MACROD2: variants seen among roughly 807,000 people sequenced by gnomAD.
The protein encoded by MACROD2 is ADP-ribose glycohydrolase MACROD2.
MACROD2 carries 36 observed loss-of-function variants against 70.4 expected under a neutral mutation model. The observed-to-expected ratio is 0.51, with a 90% CI of 0.39 to 0.68. The LOEUF (loss-of-function observed/expected upper bound fraction) is 0.68, where lower values mean the gene tolerates loss of function less well. MACROD2 is among the 30% of genes least tolerant of loss of function. MACROD2 has a pLI of 0.00. For synonymous variants in MACROD2, 172 were observed against 178.8 expected (o/e 0.96, Z 0.30); for missense variants, 496 against 538.4 (o/e 0.92, Z 0.78).
chr20:14,172,967 G>A (rs569233709), intron 3 of MACROD2, among the ~76,000 whole-genome samples: 1 of 152,156 alleles, frequency 6.6e-6, no homozygotes, highest in Non-Finnish European at 1.5e-5. Flanking sequence ...CTAAAGATAG[G>A]ACCCCAATCA....
intron 5 of MACROD2, among the ~76,000 whole-genome samples, chr20:14,746,475 C>T (rs893816471): frequency 5.3e-5 from 8 of 151,962 alleles, no homozygotes; most frequent in Admixed American, 3.3e-4. Flanking sequence ...AAAAAATTTA[C>T]GTTTTGTGAT....
chr20:14,083,580 CAG>C (rs753433469), intron 2 of MACROD2, among the ~76,000 whole-genome samples: 8 of 152,102 alleles, frequency 5.3e-5, no homozygotes, highest in Non-Finnish European at 1.2e-4. Flanking sequence ...AGGATTTTAA[CAG>C]AGTCAGTCTG....
chr20:15,302,382 A>G (rs2077654584), intron 6 of MACROD2, among the ~76,000 whole-genome samples: 1 of 8,120 alleles, frequency 1.2e-4, no homozygotes, highest in Admixed American at 1.5e-3. Context: ...ACACACACAC[A>G]TACACACATA....
intron 8 of MACROD2, among the ~76,000 whole-genome samples, chr20:15,665,804 C>G (rs1174736315): frequency 6.6e-6 from 1 of 152,180 alleles, no homozygotes; most frequent in East Asian, 1.9e-4. Context: ...GACTTATTCT[C>G]TAAGCATCCC....
At chr20:15,879,639 C>CT (rs1001308704) in intron 9 of MACROD2, among the ~76,000 whole-genome samples, 1 of 151,882 alleles carries the variant, frequency 6.6e-6, no homozygotes, top group Non-Finnish European at 1.5e-5. Flanking sequence ...TACAATTTTT[C>CT]AAAAAAAGTT....
rs78794791 is a variant in MACROD2, at chr20:14,728,368, C to T, written c.418+43409C>T. Reference sequence around the variant, plus strand: ...CTTTAAAAATAAACTGACTTAAATACTTCCTATTTGAATTATTATTTTCTT... The same window carrying T: ...CTTTAAAAATAAACTGACTTAAATATTTCCTATTTGAATTATTATTTTCTT... On this transcript the variant is annotated intron_variant, in intron 5 of 17. Transcript: ENST00000684519. 5.6e-3 allele frequency among the ~76,000 whole-genome samples: 846 copies of T among 152,190 alleles called. 7 individuals are homozygous for T. Among genetic ancestry groups the T allele is most frequent in the African/African-American group, 0.019 (809 of 41,544 alleles).
Position 14,800,612 on chromosome 20 carries a change from C to T in MACROD2, c.418+115653C>T, listed in dbSNP as rs551817236. On this transcript the variant is annotated intron_variant, in intron 5 of 17. Transcript: ENST00000684519. ...AAGCGTTCCACTGGGAAATTTTTTC[C>T]GGAAATTCCACCAATTAGGGGATTC... Among the ~76,000 whole-genome samples, 8 of 152,108 alleles carry T rather than the reference C, an allele frequency of 5.3e-5. No homozygotes were observed. The East Asian group carries it at 5.8e-4, about 11-fold the overall frequency.
rs546829746 is a variant in MACROD2 at position 15,323,133 on chromosome 20, A to T, written c.540+93072A>T. Reference sequence around the variant, plus strand: ...ATTGCTTAATTTGCCTTTGCCAGTTATTGAGCACGAGGGGGCAGTAATTGG... The same window carrying T: ...ATTGCTTAATTTGCCTTTGCCAGTTTTTGAGCACGAGGGGGCAGTAATTGG... On this transcript the variant is annotated intron_variant, in intron 6 of 17. Transcript: ENST00000684519. 2.0e-5 allele frequency among the ~76,000 whole-genome samples: 3 copies of T among 152,202 alleles called. 1 individual carries two copies. The East Asian group carries it at 5.8e-4, about 29-fold the overall frequency.
chr20:14,110,536 C>T (rs776941845), intron 3 of MACROD2, among the ~76,000 whole-genome samples: 10 of 151,938 alleles, frequency 6.6e-5, no homozygotes, highest in Non-Finnish European at 1.2e-4. Flanking sequence ...AGTAAAGTTG[C>T]AGGATACAAA....
intron 5 of MACROD2, among the ~76,000 whole-genome samples, chr20:14,738,601 A>G (rs545774144): frequency 9.8e-4 from 149 of 152,262 alleles, no homozygotes; most frequent in Non-Finnish European, 1.6e-3. Flanking sequence ...CACATTTTGA[A>G]TGAGCAAATG....
intron 5 of MACROD2, among the ~76,000 whole-genome samples, chr20:15,167,497 A>T (rs765752603): frequency 4.9e-4 from 75 of 152,310 alleles, no homozygotes; most frequent in Non-Finnish European, 9.7e-4. Flanking sequence ...TCAGCAAAAA[A>T]TTAGGAAGTT....
intron 5 of MACROD2, among the ~76,000 whole-genome samples, chr20:14,931,317 A>G (rs968912869): frequency 2.6e-5 from 4 of 152,154 alleles, no homozygotes. Flanking sequence ...TGTAAAAAGC[A>G]TGCATATTAT....
intron 4 of MACROD2, among the ~76,000 whole-genome samples, chr20:14,651,913 GT>G (rs931679629): frequency 2.5e-4 from 38 of 152,112 alleles, no homozygotes; most frequent in African/African-American, 8.7e-4. Flanking sequence ...TCTGTTTCTT[GT>G]TTATTTAGAG....
intron 5 of MACROD2, among the ~76,000 whole-genome samples, chr20:15,203,208 G>A (rs1379671275): frequency 1.3e-5 from 2 of 152,034 alleles, no homozygotes; most frequent in African/African-American, 4.8e-5. Flanking sequence ...ATCTTACATC[G>A]CAAATTAGTA....
At chr20:15,669,294 C>A (rs2049945719) in intron 8 of MACROD2, among the ~76,000 whole-genome samples, 1 of 152,162 alleles carries the variant, frequency 6.6e-6, no homozygotes, top group Admixed American at 6.5e-5. Context: ...TTATTCCAGC[C>A]TCAGTAAGCA....
intron 6 of MACROD2, among the ~76,000 whole-genome samples, chr20:15,410,028 C>G (rs555210440): frequency 6.6e-6 from 1 of 152,132 alleles, no homozygotes; most frequent in African/African-American, 2.4e-5. Flanking sequence ...ATTTATTCCT[C>G]GTTTCCTTTT....
intron 8 of MACROD2, among the ~76,000 whole-genome samples, chr20:15,585,797 A>T (rs755631265): frequency 6.6e-6 from 1 of 151,022 alleles, no homozygotes; most frequent in Non-Finnish European, 1.5e-5. Context: ...ACTTCCTGGG[A>T]CTACCTCAAA....
chr20:14,437,520 G>A (rs1210584696), intron 3 of MACROD2, among the ~76,000 whole-genome samples: 4 of 152,046 alleles, frequency 2.6e-5, no homozygotes, highest in African/African-American at 9.7e-5. Context: ...CTTGAACCAG[G>A]GAAGAAGAGG....
chr20:15,668,714 CT>C (rs1252676270), intron 8 of MACROD2, among the ~76,000 whole-genome samples: 4 of 152,154 alleles, frequency 2.6e-5, no homozygotes, highest in Admixed American at 2.0e-4. Flanking sequence ...GATACATTTT[CT>C]CCCTCGTTTT....
Sources: gnomAD v4.1 joint callset for allele counts (sites outside exome capture counted in the v4.1 genomes callset) on GRCh38, gnomAD v4.1.1 for gene constraint, MANE v1.5 for transcripts, NCBI Gene and HGNC (gene_info 2026-07-23, HGNC 2026-07-21) for gene names.